The following NTM variants were observed in gnomAD, a reference collection of about 807,000 sequenced individuals.
NTM encodes the protein neurotrimin, also known as IgLON family member 2.
Under a neutral mutation model 42.1 loss-of-function variants are expected in NTM, and 13 were observed. The observed-to-expected ratio is 0.31, with a 90% CI of 0.20 to 0.49. NTM has a LOEUF of 0.49. Ranked by LOEUF, NTM falls within the 20% of genes least tolerant of loss-of-function variation. NTM has a pLI of 0.99. For synonymous variants in NTM, 187 were observed against 179.2 expected (o/e 1.04, Z -0.35); for missense variants, 373 against 452.8 (o/e 0.82, Z 1.60).
chr11:131,638,049 A>G (rs759174428), intron 1 of NTM, among the ~76,000 whole-genome samples: 4 of 152,166 alleles, frequency 2.6e-5, no homozygotes, highest in African/African-American at 4.8e-5. Flanking sequence ...ACAAGCCTTA[A>G]TGTTGTGACC....
chr11:132,021,138 G>A (rs2074268058), intron 2 of NTM, among the ~76,000 whole-genome samples: 1 of 151,812 alleles, frequency 6.6e-6, no homozygotes, highest in African/African-American at 2.4e-5. Context: ...TCTTTCTTCT[G>A]TCATCTCGAA....
At chr11:132,249,302 G>A (rs1003402031) in intron 4 of NTM, among the ~76,000 whole-genome samples, 1 of 152,040 alleles carries the variant, frequency 6.6e-6, no homozygotes, top group Non-Finnish European at 1.5e-5. Flanking sequence ...TGTGTGTGAG[G>A]GTAAGGTGTG....
In NTM at chr11:131,745,533, C is replaced by A. The variant is rs142891821; in HGVS notation, c.83-166031C>A. On this transcript the variant is annotated intron_variant, in intron 1 of 8. Transcript: ENST00000683400. ...GGCCCCATCATTCCGCCCTCATCTTCCTTGGTTTCCGAATTACTAGAACAA... is the reference window on the plus strand; with the variant it reads ...GGCCCCATCATTCCGCCCTCATCTTACTTGGTTTCCGAATTACTAGAACAA... 6.4e-3 allele frequency among the ~76,000 whole-genome samples: 969 copies of A among 152,270 alleles called. 10 individuals carry two copies. The highest frequency in any genetic ancestry group is 0.01 in the Non-Finnish European group (708 of 68,020).
intron 1 of NTM, among the ~76,000 whole-genome samples, chr11:131,426,760 A>G (rs1591634769): frequency 6.6e-6 from 1 of 152,108 alleles, no homozygotes; most frequent in South Asian, 2.1e-4. Flanking sequence ...AGCTGTGGCC[A>G]TTGGGCTTTC....
At chr11:132,114,591 A>G (rs2063634841) in intron 2 of NTM, among the ~76,000 whole-genome samples, 1 of 152,188 alleles carries the variant, frequency 6.6e-6, no homozygotes, top group South Asian at 2.1e-4. Flanking sequence ...TTGTATTTGC[A>G]GATAACTCAC....
intron 1 of NTM, among the ~76,000 whole-genome samples, chr11:131,586,158 T>C (rs1204918489): frequency 6.6e-6 from 1 of 151,958 alleles, no homozygotes; most frequent in African/African-American, 2.4e-5. Context: ...CAGGCTAGAG[T>C]GCAGTGGTGC....
intron 3 of NTM, among the ~76,000 whole-genome samples, chr11:132,177,585 A>G (rs554188551): frequency 1.3e-4 from 20 of 152,344 alleles, no homozygotes; most frequent in African/African-American, 4.6e-4. Context: ...ATTTTAGAAG[A>G]TGACTGATTT....
At chr11:131,564,728 A>G (rs543478897) in intron 1 of NTM, among the ~76,000 whole-genome samples, 41 of 152,282 alleles carry the variant, frequency 2.7e-4, no homozygotes, top group Non-Finnish European at 5.0e-4. Context: ...AGCACGTACC[A>G]TGAGATCTAG....
At chr11:131,789,875 G>C (rs539528232) in intron 1 of NTM, among the ~76,000 whole-genome samples, 4 of 139,944 alleles carry the variant, frequency 2.9e-5, no homozygotes, top group South Asian at 4.6e-4. Flanking sequence ...AGAATGGCGT[G>C]AACCCGGGAG....
At chr11:131,498,344 G>A (rs1955573256) in intron 1 of NTM, among the ~76,000 whole-genome samples, 1 of 152,224 alleles carries the variant, frequency 6.6e-6, no homozygotes, top group Admixed American at 6.5e-5. Flanking sequence ...CTGGGAAGAA[G>A]AATACACACT....
At chr11:131,649,864 C>A (rs1448023195) in intron 1 of NTM, among the ~76,000 whole-genome samples, 1 of 152,196 alleles carries the variant, frequency 6.6e-6, no homozygotes, top group East Asian at 1.9e-4. Flanking sequence ...GCAAAGTTAG[C>A]ATTTCCCAGA....
intron 7 of NTM, among the ~76,000 whole-genome samples, chr11:132,328,975 A>G (rs2095744341): frequency 6.6e-6 from 1 of 152,204 alleles, no homozygotes; most frequent in South Asian, 2.1e-4. Context: ...TTGATCGTCG[A>G]TAAACCCTTT....
At chr11:132,068,076 T>C (rs1312527134) in intron 2 of NTM, among the ~76,000 whole-genome samples, 2 of 152,228 alleles carry the variant, frequency 1.3e-5, no homozygotes, top group African/African-American at 4.8e-5. Flanking sequence ...TATCCATTCA[T>C]ATCCAAGGGT....
chr11:132,020,237 C>T (rs527008), intron 2 of NTM, among the ~76,000 whole-genome samples: 83,264 of 151,876 alleles, frequency 0.55, 23,750 homozygotes, highest in African/African-American at 0.68. Flanking sequence ...CAATCTACCA[C>T]TGATGGGCAC....
intron 3 of NTM, among the ~76,000 whole-genome samples, chr11:132,149,144 C>T (rs556267354): frequency 6.8e-6 from 1 of 147,368 alleles, no homozygotes; most frequent in East Asian, 2.0e-4. Context: ...CAAACTGACC[C>T]CCTCTTCAAA....
chr11:131,865,880 C>G (rs2047105653), intron 1 of NTM, among the ~76,000 whole-genome samples: 1 of 132,712 alleles, frequency 7.5e-6, no homozygotes, highest in Non-Finnish European at 1.7e-5. Context: ...ATGCTACACA[C>G]ACACCTCCCA....
At chr11:131,989,543 GTT>G (rs2066647779) in intron 2 of NTM, among the ~76,000 whole-genome samples, 1 of 152,164 alleles carries the variant, frequency 6.6e-6, no homozygotes, top group Admixed American at 6.5e-5. Flanking sequence ...TTGGTATGTT[GTT>G]TAGAGGAAAT....
chr11:131,575,483 T>A (rs1449064826), intron 1 of NTM, among the ~76,000 whole-genome samples: 2 of 152,020 alleles, frequency 1.3e-5, no homozygotes, highest in Admixed American at 6.5e-5. Flanking sequence ...CAATAGGACA[T>A]CTAAGGAAAC....
At chr11:132,238,978 C>T (rs1229345020) in intron 4 of NTM, among the ~76,000 whole-genome samples, 1 of 152,134 alleles carries the variant, frequency 6.6e-6, no homozygotes, top group East Asian at 1.9e-4. Context: ...GCATAGCTAC[C>T]ATTTTTGAGG....
Sources: gnomAD v4.1 joint callset for allele counts (sites outside exome capture counted in the v4.1 genomes callset) on GRCh38, gnomAD v4.1.1 for gene constraint, MANE v1.5 for transcripts, NCBI Gene and HGNC (gene_info 2026-07-23, HGNC 2026-07-21) for gene names.